Variants in SLC1A3 observed in about 807,000 individuals in gnomAD.
SLC1A3 encodes the protein excitatory amino acid transporter 1.
Under a neutral mutation model 48.1 loss-of-function variants are expected in SLC1A3, and 21 were observed. The observed-to-expected ratio is 0.44, with a 90% CI of 0.31 to 0.63. SLC1A3 has a LOEUF of 0.63. Among genes scored for constraint, SLC1A3 ranks in the 20% least tolerant of loss-of-function variants. The probability of loss-of-function intolerance (pLI) is 0.08; values close to 1 mark genes in which losing one functional copy is unlikely to be tolerated. For synonymous variants in SLC1A3, 239 were observed against 251.4 expected (o/e 0.95, Z 0.47); for missense variants, 546 against 689.0 (o/e 0.79, Z 2.32).
At chr5:36,668,789 C>T (rs1741867401) in intron 3 of SLC1A3, 1 of 152,178 alleles carries the variant, frequency 6.6e-6, no homozygotes, top group South Asian at 2.1e-4. Context: ...AACCTATGAA[C>T]TTTATTTTCT....
At chr5:36,622,323 G>A (rs1363540909) in intron 2 of SLC1A3, among the ~76,000 whole-genome samples, 4 of 152,122 alleles carry the variant, frequency 2.6e-5, no homozygotes, top group African/African-American at 7.2e-5. Flanking sequence ...GCACTACCTC[G>A]TTTTCTGGAA....
chr5:36,625,904 C>T (rs974673909), intron 2 of SLC1A3, among the ~76,000 whole-genome samples: 3 of 152,170 alleles, frequency 2.0e-5, no homozygotes, highest in Non-Finnish European at 4.4e-5. Context: ...CCCAGCAAGA[C>T]CAGCTTGCTG....
chr5:36,646,343 G>C (rs971807340), intron 3 of SLC1A3, among the ~76,000 whole-genome samples: 5 of 152,186 alleles, frequency 3.3e-5, no homozygotes, highest in Admixed American at 2.0e-4. Context: ...TGTGTGTTTT[G>C]CTTTTTCAGA....
chr5:36,683,598 C>T (rs923697657), intron 8 of SLC1A3, among the ~76,000 whole-genome samples: 35 of 151,812 alleles, frequency 2.3e-4, no homozygotes, highest in African/African-American at 8.2e-4. Context: ...TTCCCAGCTA[C>T]TCAGGGGACT....
At chr5:36,638,138 A>G (rs1429592282) in intron 3 of SLC1A3, among the ~76,000 whole-genome samples, 2 of 151,114 alleles carry the variant, frequency 1.3e-5, no homozygotes, top group Non-Finnish European at 3.0e-5. Context: ...AGGTGTAGAT[A>G]CGTTTCCACC....
Position 36,629,427 on chromosome 5 carries a change from CTTTTTTT to C in SLC1A3, c.182-14_182-8del, listed in dbSNP as rs78316512. 16 of 1,456,938 alleles carry C rather than the reference CTTTTTTT, an allele frequency of 1.1e-5. No homozygotes were observed. Among genetic ancestry groups the C allele is most frequent in the African/African-American group, 1.5e-5 (1 of 68,580 alleles). 90.3% of individuals were successfully genotyped at this position (1,456,938 alleles called of 1,614,324 possible). A position where few individuals can be genotyped will look rare whatever the true frequency, so the allele number is the denominator to read the frequency against. ...CAAAAAAGACTCAATTTTTCTTTTT[CTTTTTTT>C]TTTTTTTTCCTTCAGGTACAATCCT... On this transcript the variant is annotated splice_polypyrimidine_tract_variant and intron_variant, in intron 2 of 9. Transcript: ENST00000265113.
intron 8 of SLC1A3, 41 bp from the exon 9 acceptor site, chr5:36,683,823 C>T: frequency 2.5e-6 from 4 of 1,613,486 alleles, no homozygotes; most frequent in South Asian, 1.1e-5. Context: ...ACGTGGGGAG[C>T]TTTGTAAAAG....
chr5:36,648,964 A>C (rs1740945287), intron 3 of SLC1A3, among the ~76,000 whole-genome samples: 1 of 152,214 alleles, frequency 6.6e-6, no homozygotes, highest in Non-Finnish European at 1.5e-5. Context: ...CAGTGCTATA[A>C]TTATAGTCCT....
chr5:36,671,562 T>C (rs948576373), intron 4 of SLC1A3, among the ~76,000 whole-genome samples: 6 of 152,238 alleles, frequency 3.9e-5, no homozygotes, highest in African/African-American at 1.4e-4. Context: ...TAACTGCTGT[T>C]CTTTAAGGCT....
chr5:36,662,485 C>T (rs981599573), intron 3 of SLC1A3, among the ~76,000 whole-genome samples: 4 of 152,186 alleles, frequency 2.6e-5, no homozygotes, highest in Non-Finnish European at 5.9e-5. Flanking sequence ...CACGACTCCC[C>T]GGCCCATGGT....
chr5:36,653,755 C>T (rs1741178601), intron 3 of SLC1A3, among the ~76,000 whole-genome samples: 1 of 152,214 alleles, frequency 6.6e-6, no homozygotes, highest in Non-Finnish European at 1.5e-5. Context: ...TCTAGAGCTC[C>T]TGAGAGTGGC....
intron 2 of SLC1A3, among the ~76,000 whole-genome samples, chr5:36,614,664 A>C (rs1739358571): frequency 6.6e-6 from 1 of 152,108 alleles, no homozygotes; most frequent in South Asian, 2.1e-4. Flanking sequence ...GTGTTGTAAT[A>C]CACTCAATAG....
intron 3 of SLC1A3, chr5:36,636,414 C>T (rs1740357331): frequency 6.6e-6 from 1 of 152,094 alleles, no homozygotes; most frequent in African/African-American, 2.4e-5. Flanking sequence ...TGGGAAATAA[C>T]TCTATTAGCA....
Position 36,671,144 on chromosome 5 carries a change from C to A in SLC1A3, c.435C>A (p.Ile145=). 6.2e-7 allele frequency: 1 copy of A among 1,613,750 alleles called. No homozygotes were observed. Among genetic ancestry groups the A allele is most frequent in the Non-Finnish European group, 8.5e-7 (1 of 1,179,682 alleles). The part of the protein sequence containing the change: ...VVIGIIIVII[I]HPGKGTKENM... ...TTGGCATAATCATTGTCATCATCAT[C>A]CATCCTGGGAAGGGCACAAAGGAAA... The change falls in exon 4 of 10, where the codon ATC becomes ATA. Residue 145 remains isoleucine (I), a synonymous_variant. Coordinates refer to ENST00000265113, the MANE Select transcript of SLC1A3 (RefSeq NM_004172.5).
At chr5:36,612,097 A>G (rs1739227319) in intron 2 of SLC1A3, among the ~76,000 whole-genome samples, 1 of 151,846 alleles carries the variant, frequency 6.6e-6, no homozygotes, top group South Asian at 2.1e-4. Context: ...ACACACACAC[A>G]CACAGAGTTT....
intron 3 of SLC1A3, chr5:36,669,977 A>G (rs947818798): frequency 6.6e-6 from 1 of 152,036 alleles, no homozygotes; most frequent in Non-Finnish European, 1.5e-5. Flanking sequence ...AAAAAACTCA[A>G]TTAACTGTAA....
At chr5:36,653,407 C>T (rs1261368557) in intron 3 of SLC1A3, among the ~76,000 whole-genome samples, 1 of 152,186 alleles carries the variant, frequency 6.6e-6, no homozygotes, top group African/African-American at 2.4e-5. Flanking sequence ...ACATTTACCC[C>T]TCCCAAGTTC....
At chr5:36,650,912 A>G (rs1741033872) in intron 3 of SLC1A3, among the ~76,000 whole-genome samples, 2 of 152,206 alleles carry the variant, frequency 1.3e-5, no homozygotes, top group Admixed American at 1.3e-4. Context: ...CATAAGCATA[A>G]CTAGAATTGT....
In SLC1A3 at chr5:36,613,916, C is replaced by G. The variant is rs535434064; in HGVS notation, c.181+5312C>G. Among the ~76,000 whole-genome samples, 3 of 152,276 alleles carry G rather than the reference C, an allele frequency of 2.0e-5. No homozygotes were observed. In the South Asian group the frequency reaches 6.2e-4, roughly 32 times the overall value. ...AAAAAATACAGAAAAATTGTCAGGGCTAGTGATAACACATGTACCCACAGC... is the reference window on the plus strand; with the variant it reads ...AAAAAATACAGAAAAATTGTCAGGGGTAGTGATAACACATGTACCCACAGC... On this transcript the variant is annotated intron_variant, in intron 2 of 9. Coordinates refer to ENST00000265113, the MANE Select transcript of SLC1A3 (RefSeq NM_004172.5).
Sources: gnomAD v4.1 joint callset for allele counts (sites outside exome capture counted in the v4.1 genomes callset) on GRCh38, gnomAD v4.1.1 for gene constraint, MANE v1.5 for transcripts, NCBI Gene and HGNC (gene_info 2026-07-23, HGNC 2026-07-21) for gene names.